Variants in PLD1 observed in about 807,000 individuals in gnomAD.
PLD1 encodes choline phosphatase 1.
A neutral mutation model predicts 137.1 loss-of-function variants in PLD1; 112 were observed. The observed-to-expected ratio is 0.82, with a 90% CI of 0.70 to 0.96. The LOEUF is 0.96. PLD1 is among the 40% of genes least tolerant of loss of function. PLD1 has a pLI of 0.00. For synonymous variants in PLD1, 431 were observed against 454.7 expected, an observed-to-expected ratio of 0.95 and a Z score of 0.66; for missense variants, 1,321 against 1,342.0, an observed-to-expected ratio of 0.98 and a Z score of 0.24.
At chr3:171,652,291 TAGTCCC>T (rs1487263116) in intron 21 of PLD1, among the ~76,000 whole-genome samples, 1 of 151,762 alleles carries the variant, frequency 6.6e-6, no homozygotes, top group Non-Finnish European at 1.5e-5. Flanking sequence ...CAGGCACCTG[TAGTCCC>T]AGCTACTCGG....
intron 1 of PLD1, among the ~76,000 whole-genome samples, chr3:171,741,220 C>G (rs905955672): frequency 6.6e-6 from 1 of 152,194 alleles, no homozygotes; most frequent in Non-Finnish European, 1.5e-5. Context: ...GGACCCAATG[C>G]ATTTGCAGAC....
At chr3:171,769,467 G>A (rs995557580) in intron 1 of PLD1, among the ~76,000 whole-genome samples, 1 of 152,174 alleles carries the variant, frequency 6.6e-6, no homozygotes, top group African/African-American at 2.4e-5. Context: ...TAGCATATAT[G>A]CGTAGTAATA....
At chr3:171,608,815 A>G (rs1732416825) in intron 25 of PLD1, among the ~76,000 whole-genome samples, 1 of 152,168 alleles carries the variant, frequency 6.6e-6, no homozygotes, top group Non-Finnish European at 1.5e-5. Context: ...AGAAGACACA[A>G]GTAAATGTTT....
rs559854920 is a variant in PLD1, at chr3:171,806,096, G to A, written c.-32+4303C>T. Among the ~76,000 whole-genome samples the A allele has an allele frequency of 2.6e-4, 39 of 152,280 alleles. No individual in the cohort carries two copies. In the South Asian group the frequency reaches 7.9e-3, roughly 31 times the overall value. ...ACCTACTTTACAGGGTTGTTCTGAG[G>A]GTTAAATGTATTCATGTTTGTAAAA... On this transcript the variant is annotated intron_variant, in intron 1 of 26. Coordinates refer to ENST00000351298, the MANE Select transcript of PLD1 (RefSeq NM_002662.5).
chr3:171,689,589 T>C (rs4894491), intron 13 of PLD1, among the ~76,000 whole-genome samples: 76,373 of 151,856 alleles, frequency 0.5, 20,177 homozygotes, highest in African/African-American at 0.66. Flanking sequence ...CAGCCTTGAA[T>C]TCCTGAGCTC....
At chr3:171,753,491 A>G (rs1720803749) in intron 1 of PLD1, among the ~76,000 whole-genome samples, 1 of 152,198 alleles carries the variant, frequency 6.6e-6, no homozygotes, top group South Asian at 2.1e-4. Context: ...CACTCAATGG[A>G]TATTTATTGA....
intron 1 of PLD1, among the ~76,000 whole-genome samples, chr3:171,756,713 G>A (rs1021467218): frequency 6.6e-6 from 1 of 152,148 alleles, no homozygotes; most frequent in Non-Finnish European, 1.5e-5. Context: ...CTGTTAAAAA[G>A]TCATTGTTAT....
At chr3:171,651,468 AT>A (rs1184866726) in intron 21 of PLD1, among the ~76,000 whole-genome samples, 1 of 152,068 alleles carries the variant, frequency 6.6e-6, no homozygotes, top group Non-Finnish European at 1.5e-5. Flanking sequence ...AAAGGAGAAG[AT>A]CCTTCTGGGC....
At chr3:171,634,906 A>G (rs1418735302) in intron 23 of PLD1, among the ~76,000 whole-genome samples, 1 of 152,012 alleles carries the variant, frequency 6.6e-6, no homozygotes, top group African/African-American at 2.4e-5. Flanking sequence ...CCCCCAAAAA[A>G]ACCCCACACT....
chr3:171,804,328 C>T (rs1052317945), intron 1 of PLD1, among the ~76,000 whole-genome samples: 3 of 152,216 alleles, frequency 2.0e-5, no homozygotes, highest in Non-Finnish European at 2.9e-5. Flanking sequence ...TACATCTACA[C>T]ATTTTATTTT....
chr3:171,729,953 T>C (rs1718804007), intron 6 of PLD1, among the ~76,000 whole-genome samples: 1 of 152,112 alleles, frequency 6.6e-6, no homozygotes, highest in Non-Finnish European at 1.5e-5. Flanking sequence ...GAAATCTGAG[T>C]CACATAAGTT....
intron 16 of PLD1, among the ~76,000 whole-genome samples, chr3:171,685,692 A>T (rs1056773225): frequency 9.2e-5 from 14 of 152,204 alleles, no homozygotes; most frequent in Admixed American, 6.5e-4. Context: ...ATCCTTCTTT[A>T]TTCCCACCAC....
At chr3:171,676,581 G>A (rs1025057842) in intron 18 of PLD1, 134 bp downstream of exon 18, 2 of 708,858 alleles carry the variant, frequency 2.8e-6, no homozygotes, top group African/African-American at 3.6e-5. Context: ...GGACATCAAT[G>A]CAGCCAACAG....
At chr3:171,626,972 A>G (rs1734168842) in intron 23 of PLD1, among the ~76,000 whole-genome samples, 1 of 152,224 alleles carries the variant, frequency 6.6e-6, no homozygotes, top group African/African-American at 2.4e-5. Flanking sequence ...ATAACCAGCT[A>G]ACATCATAAT....
intron 23 of PLD1, among the ~76,000 whole-genome samples, chr3:171,635,074 G>A (rs527285332): frequency 2.6e-5 from 4 of 152,108 alleles, no homozygotes; most frequent in African/African-American, 9.7e-5. Flanking sequence ...GGTCTTCGAG[G>A]TTCATCTGTG....
Position 171,600,875 on chromosome 3 carries a change from C to T in PLD1, c.*2203G>A, listed in dbSNP as rs1310950185. ...TCACCTTGTTTATTAATTCTACAAG[C>T]ATTTATTGCCATCTCCTATGTGCCA... On this transcript the variant is annotated 3_prime_UTR_variant, in exon 27 of 27. Transcript: ENST00000351298. 1 of 152,192 alleles carries T rather than the reference C, an allele frequency of 6.6e-6. No homozygotes were observed. The allele number at this position is 152,192 out of a possible 1,614,324, so 9.4% of individuals were successfully genotyped here.
intron 1 of PLD1, among the ~76,000 whole-genome samples, chr3:171,774,674 A>T (rs1447824656): frequency 6.6e-6 from 1 of 152,252 alleles, no homozygotes; most frequent in African/African-American, 2.4e-5. Flanking sequence ...CATAAACTGT[A>T]TCAAGGAGGC....
At chr3:171,636,095 C>G (rs1366963536) in intron 23 of PLD1, among the ~76,000 whole-genome samples, 3 of 148,662 alleles carry the variant, frequency 2.0e-5, no homozygotes, top group African/African-American at 4.9e-5. Context: ...TTTAATTGAC[C>G]ATAATCATAA....
At chr3:171,737,060 G>A (rs991368952) in intron 3 of PLD1, among the ~76,000 whole-genome samples, 1 of 152,210 alleles carries the variant, frequency 6.6e-6, no homozygotes, top group African/African-American at 2.4e-5. Flanking sequence ...GTATTTTGAG[G>A]TAATGGCACT....
Sources: allele counts gnomAD v4.1 joint callset (sites outside exome capture counted in the v4.1 genomes callset), GRCh38; gene constraint gnomAD v4.1.1; transcripts MANE v1.5; gene names NCBI Gene and HGNC (gene_info 2026-07-23, HGNC 2026-07-21).